UBTD2: variants seen among roughly 807,000 people sequenced by gnomAD.
UBTD2 encodes the protein ubiquitin domain-containing protein 2.
In UBTD2, 9 loss-of-function variants were observed where a neutral mutation model predicts 19.8. The observed-to-expected ratio is 0.46, with a 90% CI of 0.27 to 0.79. The LOEUF (loss-of-function observed/expected upper bound fraction) is 0.79. UBTD2 is among the 30% of genes least tolerant of loss of function. The pLI is 0.14. For synonymous variants in UBTD2, 98 were observed against 103.9 expected (o/e 0.94, Z 0.35); for missense variants, 250 against 300.4 (o/e 0.83, Z 1.24).
At chr5:172,257,947 T>A (rs746454756) in intron 1 of UBTD2, among the ~76,000 whole-genome samples, 14 of 152,196 alleles carry the variant, frequency 9.2e-5, no homozygotes, top group Non-Finnish European at 1.9e-4. Flanking sequence ...TTTCTCCCAT[T>A]GTGTAGGTTG....
At chr5:172,232,901 G>C (rs1011766142) in intron 2 of UBTD2, among the ~76,000 whole-genome samples, 2 of 151,972 alleles carry the variant, frequency 1.3e-5, no homozygotes, top group Non-Finnish European at 2.9e-5. Context: ...AGGGACTTTG[G>C]GAGGCTGAGG....
At chr5:172,264,540 CA>C (rs1168654961) in intron 1 of UBTD2, among the ~76,000 whole-genome samples, 37 of 99,746 alleles carry the variant, frequency 3.7e-4, no homozygotes, top group African/African-American at 1.1e-3. Context: ...GATTCCGTCT[CA>C]AAAAAAAAAA....
chr5:172,230,966 G>A (rs953127446), intron 2 of UBTD2, among the ~76,000 whole-genome samples: 1 of 151,996 alleles, frequency 6.6e-6, no homozygotes, highest in Non-Finnish European at 1.5e-5. Flanking sequence ...TGTATTTTTA[G>A]TAGAGACGGG....
chr5:172,250,293 T>C (rs921621578), intron 1 of UBTD2, among the ~76,000 whole-genome samples: 20 of 152,194 alleles, frequency 1.3e-4, no homozygotes, highest in African/African-American at 4.6e-4. Context: ...AAAATACTTA[T>C]CATTTGCATT....
chr5:172,244,535 T>C (rs372040070), intron 1 of UBTD2, among the ~76,000 whole-genome samples: 1 of 151,776 alleles, frequency 6.6e-6, no homozygotes, highest in African/African-American at 2.4e-5. Flanking sequence ...CAACCTTAGA[T>C]GATCCGCCCG....
chr5:172,229,769 C>T (rs896216798), intron 2 of UBTD2, among the ~76,000 whole-genome samples: 1 of 152,048 alleles, frequency 6.6e-6, no homozygotes, highest in Non-Finnish European at 1.5e-5. Flanking sequence ...TAAGCTTTCA[C>T]TGAAAAGTAC....
chr5:172,218,657 T>C (rs1771590519), intron 2 of UBTD2, among the ~76,000 whole-genome samples: 1 of 151,146 alleles, frequency 6.6e-6, no homozygotes, highest in South Asian at 2.1e-4. Context: ...TGGTGGTACA[T>C]GCCTGTAGTC....
chr5:172,231,437 T>C (rs1771895217), intron 2 of UBTD2, among the ~76,000 whole-genome samples: 1 of 152,118 alleles, frequency 6.6e-6, no homozygotes, highest in South Asian at 2.1e-4. Context: ...TTTCTGAGAG[T>C]AATTCTCCCT....
intron 2 of UBTD2, among the ~76,000 whole-genome samples, chr5:172,218,748 C>T (rs1413734331): frequency 2.1e-5 from 3 of 145,582 alleles, no homozygotes; most frequent in Non-Finnish European, 3.0e-5. Flanking sequence ...CTCACTCCAG[C>T]CTGGGCAAAG....
intron 1 of UBTD2, among the ~76,000 whole-genome samples, chr5:172,261,792 T>A (rs1755275138): frequency 6.6e-6 from 1 of 152,118 alleles, no homozygotes; most frequent in Non-Finnish European, 1.5e-5. Flanking sequence ...ATCCAGCTAA[T>A]TTCTGTATTT....
At chr5:172,266,817 C>T (rs1449850317) in intron 1 of UBTD2, among the ~76,000 whole-genome samples, 1 of 152,128 alleles carries the variant, frequency 6.6e-6, no homozygotes, top group Non-Finnish European at 1.5e-5. Flanking sequence ...CAGGGCAGAT[C>T]ACTTGAAGCC....
At chr5:172,283,959 C>G (rs1021802031), upstream of UBTD2, 1 of 149,028 alleles carries the variant, frequency 6.7e-6, no homozygotes, top group Non-Finnish European at 1.5e-5. The surrounding 1 kb of genome is among the most constrained non-coding windows in gnomAD (Gnocchi z 4.3). Context: ...CCATCCCGGG[C>G]GGGCCGCAGC....
chr5:172,236,475 T>C (rs973235710), intron 1 of UBTD2, among the ~76,000 whole-genome samples: 2 of 152,182 alleles, frequency 1.3e-5, no homozygotes, highest in East Asian at 3.8e-4. Context: ...ATACAGACAA[T>C]GCAGCTAGAG....
intron 2 of UBTD2, among the ~76,000 whole-genome samples, chr5:172,226,548 A>G (rs893080221): frequency 1.3e-5 from 2 of 152,246 alleles, no homozygotes; most frequent in African/African-American, 4.8e-5. Flanking sequence ...AATCAGACTT[A>G]CAGGGCAACA....
chr5:172,221,250 T>G (rs1397521811), intron 2 of UBTD2, among the ~76,000 whole-genome samples: 1 of 151,660 alleles, frequency 6.6e-6, no homozygotes, highest in Non-Finnish European at 1.5e-5. Context: ...ATGCCTGCAA[T>G]CCCAGTGCTT....
chr5:172,266,111 A>T (rs1755372779), intron 1 of UBTD2, among the ~76,000 whole-genome samples: 1 of 151,874 alleles, frequency 6.6e-6, no homozygotes, highest in Admixed American at 6.6e-5. Context: ...TTTTTGTTTT[A>T]GTAGAGATGA....
At chr5:172,275,681 G>C (rs1755593299) in intron 1 of UBTD2, among the ~76,000 whole-genome samples, 1 of 152,076 alleles carries the variant, frequency 6.6e-6, no homozygotes, top group Non-Finnish European at 1.5e-5. Flanking sequence ...ACTCACCCCA[G>C]CTGATCCCAA....
rs1561847305 is a variant in UBTD2, at chr5:172,212,261, TC to T, written c.308-35del. 5.2e-6 allele frequency: 8 copies of T among 1,545,276 alleles called. No individual in the cohort carries two copies. In the East Asian group the frequency reaches 1.6e-4, roughly 31 times the overall value. On this transcript the variant is annotated intron_variant, in intron 2 of 2. Transcript: ENST00000393792. ...AGAGAAGATATGAATAAGAACTTAA[TC>T]CTTAATGAATGCATTTTTGTTTATG...
intron 1 of UBTD2, among the ~76,000 whole-genome samples, chr5:172,264,311 C>G (rs1223440591): frequency 6.6e-6 from 1 of 151,934 alleles, no homozygotes; most frequent in Non-Finnish European, 1.5e-5. Flanking sequence ...CTTTGGGAGG[C>G]TGAGGCGGGC....
Sources: allele counts gnomAD v4.1 joint callset (sites outside exome capture counted in the v4.1 genomes callset), GRCh38; gene constraint gnomAD v4.1.1; non-coding constraint Gnocchi (gnomAD v3.1); transcripts MANE v1.5; gene names NCBI Gene and HGNC (gene_info 2026-07-23, HGNC 2026-07-21).